Variants in NCR3LG1 observed in about 807,000 individuals in gnomAD.
NCR3LG1 encodes natural cytotoxicity triggering receptor 3 ligand 1.
NCR3LG1 carries 35 observed loss-of-function variants against 34.8 expected under a neutral mutation model. The observed-to-expected ratio is 1.01, with a 90% CI of 0.77 to 1.33. The LOEUF is 1.33. Ranked by LOEUF, NCR3LG1 falls within the 40% of genes most tolerant of loss-of-function variation. The pLI is 0.00. For missense variants in NCR3LG1, 452 were observed against 423.3 expected (o/e 1.07, Z -0.60); for synonymous variants, 173 against 163.6 (o/e 1.06, Z -0.44).
At chr11:17,366,889 TC>T in intron 2 of NCR3LG1, 119 bp from the exon 3 acceptor site, 1 of 690,674 alleles carries the variant, frequency 1.4e-6, no homozygotes, top group South Asian at 1.9e-5. Context: ...TTTTGTCTTA[TC>T]TGGCTACAGG....
Position 17,356,764 on chromosome 11 carries a change from G to C in NCR3LG1, c.184G>C (p.Gly62Arg). Residue 62 changes from glycine (G) to arginine (R), a missense_variant, in exon 2 of 5, where the codon GGT (glycine) becomes CGT (arginine). Coordinates refer to ENST00000338965, the MANE Select transcript of NCR3LG1 (RefSeq NM_001202439.3). ...CCAACCCCTCAACATCACGTCTATG[G>C]GTATCACCTGGTTTTGGAAGAGTCT... ...YSQPLNITSM[G>R]ITWFWKSLTF... The C allele has an allele frequency of 1.3e-6, 2 of 1,536,322 alleles. No homozygotes were observed. The highest frequency in any genetic ancestry group is 1.7e-6 in the Non-Finnish European group (2 of 1,146,950).
intron 4 of NCR3LG1, among the ~76,000 whole-genome samples, chr11:17,370,908 C>T (rs542562106): frequency 1.3e-5 from 2 of 152,098 alleles, no homozygotes; most frequent in Non-Finnish European, 2.9e-5. Flanking sequence ...TCAGCAAGTG[C>T]CTTAGTAACG....
chr11:17,361,197 A>G (rs1226525971), intron 2 of NCR3LG1, among the ~76,000 whole-genome samples: 1 of 152,088 alleles, frequency 6.6e-6, no homozygotes, highest in East Asian at 1.9e-4. Context: ...TTTCCATACA[A>G]ATTTGAGAAT....
downstream of NCR3LG1, among the ~76,000 whole-genome samples, chr11:17,378,244 C>T (rs543685774): frequency 2.6e-5 from 4 of 152,162 alleles, no homozygotes; most frequent in South Asian, 4.1e-4. Flanking sequence ...ACTTCTAGAT[C>T]AATACCTCTA....
In NCR3LG1 at chr11:17,368,917, A is replaced by G; in HGVS notation, c.811A>G (p.Ile271Val). The G allele has an allele frequency of 2.6e-6, 4 of 1,535,364 alleles. No individual in the cohort carries two copies. Among genetic ancestry groups the G allele is most frequent in the East Asian group, 2.4e-5 (1 of 40,916 alleles). ...FSIHWWPISF[I>V]GVGLVLLIVL... is the part of the protein sequence containing the mutation. ...CATTCATTGGTGGCCTATTTCATTCATTGGTGTTGGACTGGTTTTATTAAT... is the reference window on the plus strand; with the variant it reads ...CATTCATTGGTGGCCTATTTCATTCGTTGGTGTTGGACTGGTTTTATTAAT... The change falls in exon 4 of 5, where the codon ATT (isoleucine) becomes GTT (valine). Residue 271 changes from isoleucine (I) to valine (V), a missense_variant. By Grantham distance (29) the Ile-to-Val change is conservative. Coordinates refer to ENST00000338965, the MANE Select transcript of NCR3LG1 (RefSeq NM_001202439.3).
downstream of NCR3LG1, among the ~76,000 whole-genome samples, chr11:17,378,238 C>G (rs1309652945): frequency 6.6e-6 from 1 of 152,100 alleles, no homozygotes; most frequent in Non-Finnish European, 1.5e-5. Context: ...CATGTCACTT[C>G]TAGATCAATA....
At chr11:17,356,628 A>G in intron 1 of NCR3LG1, 23 bp from the exon 2 acceptor site, 1 of 1,474,842 alleles carries the variant, frequency 6.8e-7, no homozygotes, top group Non-Finnish European at 9.1e-7. Context: ...TAAACTGAAC[A>G]TTGTGTCCTC....
intron 1 of NCR3LG1, among the ~76,000 whole-genome samples, chr11:17,355,750 G>A (rs1404753171): frequency 2.0e-5 from 3 of 152,076 alleles, no homozygotes; most frequent in Admixed American, 6.6e-5. Flanking sequence ...GTATCTTTAC[G>A]TGGTGGAGAG....
chr11:17,358,629 G>T (rs1200103620), intron 2 of NCR3LG1, among the ~76,000 whole-genome samples: 2 of 152,172 alleles, frequency 1.3e-5, no homozygotes, highest in Non-Finnish European at 2.9e-5. Flanking sequence ...ACTCTGTGCA[G>T]CCCACACTTA....
At position 17,352,017 on chromosome 11, in the gene NCR3LG1, G is replaced by T. The variant is rs1953141011; in HGVS notation, c.48G>T (p.Leu16=). ...CCACGTGCGCGGCGCTCCTGATTCT[G>T]CTGTGGGCGCTGACGACCGAAGGTA... ...AASTCAALLI[L]LWALTTEGDL... is the part of the protein sequence containing the mutation. The change falls in exon 1 of 5, where the codon CTG becomes CTT. Residue 16 remains leucine (L), a synonymous_variant. Coordinates refer to ENST00000338965, the MANE Select transcript of NCR3LG1 (RefSeq NM_001202439.3). The T allele has an allele frequency of 6.6e-7, 1 of 1,519,288 alleles. No individual in the cohort carries two copies. The highest frequency in any genetic ancestry group is 2.0e-5 in the Admixed American group (1 of 49,378). 94.1% of individuals were successfully genotyped at this position (1,519,288 alleles called of 1,614,324 possible).
chr11:17,370,331 C>T (rs1006479232), intron 4 of NCR3LG1, among the ~76,000 whole-genome samples: 1 of 152,164 alleles, frequency 6.6e-6, no homozygotes, highest in African/African-American at 2.4e-5. Flanking sequence ...ATACCTTGGG[C>T]AATGAGAGAC....
intron 2 of NCR3LG1, among the ~76,000 whole-genome samples, chr11:17,361,445 G>A (rs1411756075): frequency 6.6e-6 from 1 of 151,876 alleles, no homozygotes. Context: ...GCGCCACCAC[G>A]CCTGGCTAAT....
At chr11:17,380,652 A>ATTT (rs1416198243), downstream of NCR3LG1, 24 of 150,992 alleles carry the variant, frequency 1.6e-4, no homozygotes, top group African/African-American at 4.9e-4. Context: ...TGCCTGTCTA[A>ATTT]TTTTTTGTTG....
intron 2 of NCR3LG1, among the ~76,000 whole-genome samples, chr11:17,366,141 C>G (rs1953342093): frequency 6.6e-6 from 1 of 152,156 alleles, no homozygotes; most frequent in Non-Finnish European, 1.5e-5. Context: ...TTCTTTCACA[C>G]TAATGTAGCC....
chr11:17,355,537 G>A (rs938099412), intron 1 of NCR3LG1, among the ~76,000 whole-genome samples: 2 of 152,078 alleles, frequency 1.3e-5, no homozygotes, highest in Non-Finnish European at 2.9e-5. Flanking sequence ...ATTGCTGAAA[G>A]AAATTTAAAA....
At position 17,373,801 on chromosome 11, in the gene NCR3LG1, A is replaced by G. The variant is rs938495503; in HGVS notation, c.*1289A>G. Reference sequence around the variant, plus strand: ...TGAAAGTCCCACTCCTTTATTAGATAGAGATATTCCAGCACGTATGGGGGC... The same window carrying G: ...TGAAAGTCCCACTCCTTTATTAGATGGAGATATTCCAGCACGTATGGGGGC... On this transcript the variant is annotated 3_prime_UTR_variant, in exon 5 of 5. Transcript: ENST00000338965. 2.0e-5 allele frequency: 3 copies of G among 150,006 alleles called. No homozygotes were observed. Among genetic ancestry groups the G allele is most frequent in the Non-Finnish European group, 4.5e-5 (3 of 67,142 alleles). The allele number at this position is 150,006 out of a possible 1,614,324, so 9.3% of individuals were successfully genotyped here. A position where few individuals can be genotyped will look rare whatever the true frequency, so the allele number is the denominator to read the frequency against.
At chr11:17,369,976 A>G (rs1210486970) in intron 4 of NCR3LG1, among the ~76,000 whole-genome samples, 1 of 152,194 alleles carries the variant, frequency 6.6e-6, no homozygotes, top group Non-Finnish European at 1.5e-5. Flanking sequence ...CTTGCCTAAA[A>G]CATGCCCACA....
intron 2 of NCR3LG1, among the ~76,000 whole-genome samples, chr11:17,362,412 T>C (rs1953278356): frequency 6.6e-6 from 1 of 152,242 alleles, no homozygotes; most frequent in African/African-American, 2.4e-5. Flanking sequence ...TGAGTGATAT[T>C]GATCTGTAGT....
rs575341522 is a variant in NCR3LG1 at position 17,353,060 on chromosome 11, G to T, written c.70+1021G>T. Among the ~76,000 whole-genome samples the T allele has an allele frequency of 3.9e-5, 6 of 152,300 alleles. No homozygotes were observed. The East Asian group carries it at 1.2e-3, about 29-fold the overall frequency. On this transcript the variant is annotated intron_variant, in intron 1 of 4. Transcript: ENST00000338965. ...CTGCAGGTGGAGGAGAGCCGCGTGTGGACCTCACCGTGGAGACCTTGGCGG... is the reference window on the plus strand; with the variant it reads ...CTGCAGGTGGAGGAGAGCCGCGTGTTGACCTCACCGTGGAGACCTTGGCGG...
Sources: allele counts gnomAD v4.1 joint callset (sites outside exome capture counted in the v4.1 genomes callset), GRCh38; gene constraint gnomAD v4.1.1; transcripts MANE v1.5; gene names NCBI Gene and HGNC (gene_info 2026-07-23, HGNC 2026-07-21).